Variants in TLK1 observed in about 807,000 individuals in gnomAD.
The protein encoded by TLK1 is serine/threonine-protein kinase tousled-like 1.
In TLK1, 24 loss-of-function variants were observed where a neutral mutation model predicts 105.3. The observed-to-expected ratio is 0.23, with a 90% CI of 0.17 to 0.32. The LOEUF is 0.32. Ranked by LOEUF, TLK1 falls within the 10% of genes least tolerant of loss-of-function variation. The probability of loss-of-function intolerance (pLI) is 1.00; values close to 1 mark genes in which losing one functional copy is unlikely to be tolerated. For missense variants in TLK1, 558 were observed against 910.5 expected, an observed-to-expected ratio of 0.61 and a Z score of 4.98; for synonymous variants, 321 against 310.4, an observed-to-expected ratio of 1.03 and a Z score of -0.36.
intron 18 of TLK1, among the ~76,000 whole-genome samples, chr2:170,999,586 AAATATTTT>A (rs1437819806): frequency 6.6e-6 from 1 of 152,224 alleles, no homozygotes; most frequent in African/African-American, 2.4e-5. Flanking sequence ...AGACAAAACT[AAATATTTT>A]AAGTTTCTGA....
intron 1 of TLK1, among the ~76,000 whole-genome samples, chr2:171,224,255 A>G (rs866643323): frequency 2.6e-5 from 4 of 152,146 alleles, no homozygotes; most frequent in African/African-American, 9.7e-5. Flanking sequence ...TCAGTTGGCT[A>G]TACATGTGTA....
At chr2:170,994,696 T>A in intron 20 of TLK1, 1 of 518,212 alleles carries the variant, frequency 1.9e-6, no homozygotes, top group Non-Finnish European at 3.9e-6. Flanking sequence ...AGGCACTGGC[T>A]CTGTCCCCAG....
chr2:171,159,586 A>T (rs892742486), intron 1 of TLK1: 1 of 152,338 alleles, frequency 6.6e-6, no homozygotes, highest in Non-Finnish European at 1.5e-5. Flanking sequence ...ACAGTAGCCT[A>T]CTTGCAGCAG....
rs149339297 is a variant in TLK1 at position 171,222,807 on chromosome 2, CTATTTATT to C, written c.-6+8330_-6+8337del. On this transcript the variant is annotated intron_variant, in intron 1 of 20. Transcript: ENST00000521943. ...TACAATATAAATTATTAACTATAGTCTATTTATTTATTTATTTATTTATTTGAGATGGA... is the reference window on the plus strand; with the variant it reads ...TACAATATAAATTATTAACTATAGTCTATTTATTTATTTATTTGAGATGGA... Among the ~76,000 whole-genome samples the C allele has an allele frequency of 2.7e-5, 4 of 150,584 alleles. No homozygotes were observed. The South Asian group carries it at 6.3e-4, about 24-fold the overall frequency.
chr2:171,195,018 T>A (rs1055600470), intron 1 of TLK1, among the ~76,000 whole-genome samples: 6 of 152,076 alleles, frequency 3.9e-5, no homozygotes, highest in Non-Finnish European at 7.4e-5. Context: ...ATGCAGAATG[T>A]CTGTGGCTGG....
chr2:171,088,198 A>G (rs1242356586), intron 2 of TLK1, among the ~76,000 whole-genome samples: 3 of 152,108 alleles, frequency 2.0e-5, no homozygotes, highest in African/African-American at 7.2e-5. Context: ...CAGATGTGGT[A>G]GCATGTACCA....
At chr2:171,063,827 G>A (rs1687866424) in intron 3 of TLK1, among the ~76,000 whole-genome samples, 1 of 152,152 alleles carries the variant, frequency 6.6e-6, no homozygotes, top group Non-Finnish European at 1.5e-5. Context: ...ACATGCACTG[G>A]CTATCTCCAA....
intron 1 of TLK1, among the ~76,000 whole-genome samples, chr2:171,158,604 G>A (rs947291524): frequency 1.3e-5 from 2 of 151,948 alleles, no homozygotes; most frequent in African/African-American, 2.4e-5. Context: ...ACGAATGAAT[G>A]AATGAATGAA....
intron 11 of TLK1, among the ~76,000 whole-genome samples, chr2:171,039,565 G>A (rs573030814): frequency 6.6e-6 from 1 of 152,200 alleles, no homozygotes; most frequent in Non-Finnish European, 1.5e-5. Context: ...ACCTCAATGA[G>A]TGTTTCTTTT....
upstream of TLK1, among the ~76,000 whole-genome samples, chr2:171,165,544 A>C (rs1347860426): frequency 2.9e-5 from 4 of 137,272 alleles, no homozygotes; most frequent in Admixed American, 2.2e-4. Flanking sequence ...TGCATTTTAT[A>C]CTCTTAACTT....
intron 11 of TLK1, among the ~76,000 whole-genome samples, chr2:171,044,760 C>G (rs1372400659): frequency 6.6e-6 from 1 of 152,006 alleles, no homozygotes; most frequent in Non-Finnish European, 1.5e-5. Flanking sequence ...GAAGATGCAG[C>G]CGGATGAGTT....
At chr2:171,179,681 G>C (rs2105307048) in intron 1 of TLK1, among the ~76,000 whole-genome samples, 1 of 152,310 alleles carries the variant, frequency 6.6e-6, no homozygotes, top group Admixed American at 6.5e-5. Flanking sequence ...GGAGCAGCCG[G>C]GTGCAGTGGC....
intron 3 of TLK1, among the ~76,000 whole-genome samples, chr2:171,076,376 C>A (rs1405450009): frequency 6.6e-6 from 1 of 152,146 alleles, no homozygotes; most frequent in Non-Finnish European, 1.5e-5. Context: ...TGCCTTCCAT[C>A]TTCTACCACG....
chr2:170,998,106 CTACCACCT>C (rs1439451838), intron 18 of TLK1, among the ~76,000 whole-genome samples: 4 of 150,792 alleles, frequency 2.7e-5, no homozygotes, highest in Admixed American at 6.6e-5. Flanking sequence ...ACCTACCTAC[CTACCACCT>C]ACCTACCTAC....
chr2:171,057,218 T>C (rs1420309142), intron 5 of TLK1, among the ~76,000 whole-genome samples: 1 of 152,090 alleles, frequency 6.6e-6, no homozygotes, highest in African/African-American at 2.4e-5. Context: ...AATAACTTGC[T>C]GCAGCAAAGT....
rs951656081 is a variant in TLK1 at position 171,136,698 on chromosome 2, T to C, written c.140-18841A>G. Reference sequence around the variant, plus strand: ...TGTACAGAGCTAACAATTTTGGTCCTTGACTTTTCTTGATCTATGAAAAGT... The same window carrying C: ...TGTACAGAGCTAACAATTTTGGTCCCTGACTTTTCTTGATCTATGAAAAGT... On this transcript the variant is annotated intron_variant, in intron 1 of 20. Transcript: ENST00000431350. 2.6e-5 allele frequency among the ~76,000 whole-genome samples: 4 copies of C among 152,256 alleles called. No homozygotes were observed. In the East Asian group the frequency reaches 5.8e-4, roughly 22 times the overall value.
At chr2:171,035,871 A>G (rs78737154) in intron 11 of TLK1, among the ~76,000 whole-genome samples, 1 of 152,144 alleles carries the variant, frequency 6.6e-6, no homozygotes, top group African/African-American at 2.4e-5. Context: ...CTGGAAAAAG[A>G]AAGGAAATGG....
chr2:171,011,737 C>T (rs919552559), intron 13 of TLK1, among the ~76,000 whole-genome samples: 2 of 152,212 alleles, frequency 1.3e-5, no homozygotes, highest in African/African-American at 2.4e-5. Context: ...TACTGCATTG[C>T]CAAGAGCTTC....
intron 1 of TLK1, among the ~76,000 whole-genome samples, chr2:171,209,829 C>G (rs938489289): frequency 6.6e-6 from 1 of 152,038 alleles, no homozygotes; most frequent in Non-Finnish European, 1.5e-5. Flanking sequence ...ACTAACCTTG[C>G]CTACACCTTG....
Sources: allele counts gnomAD v4.1 joint callset (sites outside exome capture counted in the v4.1 genomes callset), GRCh38; gene constraint gnomAD v4.1.1; transcripts MANE v1.5; gene names NCBI Gene and HGNC (gene_info 2026-07-23, HGNC 2026-07-21).